RNF144B: variants seen among roughly 807,000 people sequenced by gnomAD.
The protein encoded by RNF144B is ring finger protein 144B, also known as E3 ubiquitin-protein ligase RNF144B.
A neutral mutation model predicts 40.2 loss-of-function variants in RNF144B; 25 were observed. That is an observed-to-expected ratio of 0.62 (90% CI 0.45 to 0.87). RNF144B has a LOEUF of 0.87. Among genes scored for constraint, RNF144B ranks in the 40% least tolerant of loss-of-function variants. The pLI is 0.00. For missense variants in RNF144B, 365 were observed against 373.7 expected (o/e 0.98, Z 0.19); for synonymous variants, 145 against 136.3 (o/e 1.06, Z -0.44).
chr6:18,460,273 A>G lies in RNF144B; in HGVS notation c.681+522A>G, dbSNP rs1041789134. ...TCTTCCTCCATCTTCAAAGCCAGCA[A>G]CATCAGATCTCTCACTCCCTTCTTT... On this transcript the variant is annotated intron_variant, in intron 6 of 7. Coordinates refer to ENST00000259939, the MANE Select transcript of RNF144B (RefSeq NM_182757.4). This position sits in a 1 kb window ranked among gnomAD's most constrained non-coding sequence, Gnocchi z 4.4. 4.6e-5 allele frequency among the ~76,000 whole-genome samples: 7 copies of G among 152,200 alleles called. No homozygotes were observed. The highest frequency in any genetic ancestry group is 1.7e-4 in the African/African-American group (7 of 41,452).
At position 18,465,064 on chromosome 6, in the gene RNF144B, C is replaced by A. The variant is rs1219953766; in HGVS notation, c.909C>A (p.Thr303=). The A allele has an allele frequency of 6.2e-7, 1 of 1,613,520 alleles. No individual in the cohort carries two copies. The highest frequency in any genetic ancestry group is 1.7e-5 in the Admixed American group (1 of 59,930). The change falls in exon 8 of 8, where the codon ACC becomes ACA. Residue 303 remains threonine, a synonymous_variant. Transcript: ENST00000259939. Reference sequence around the variant, plus strand: ...AGAAAAAGCACGACCCATCCACAACCTAAAGATCTCTGTGTTCATACGCCC... The same window carrying A: ...AGAAAAAGCACGACCCATCCACAACATAAAGATCTCTGTGTTCATACGCCC... ...GKKKKHDPST[T]
At chr6:18,409,561 C>CGTTTTTT (rs547707150) in intron 2 of RNF144B, among the ~76,000 whole-genome samples, 1 of 93,262 alleles carries the variant, frequency 1.1e-5, no homozygotes, top group Non-Finnish European at 2.0e-5. Flanking sequence ...CTTGCATAAC[C>CGTTTTTT]TTTTTTTTTT....
At chr6:18,429,310 G>A (rs1018058111) in intron 3 of RNF144B, among the ~76,000 whole-genome samples, 3 of 151,438 alleles carry the variant, frequency 2.0e-5, no homozygotes, top group African/African-American at 7.3e-5. Flanking sequence ...ACATGTAGAT[G>A]TGTGTGTGTG....
At chr6:18,463,244 C>G in intron 6 of RNF144B, 47 bp from the exon 7 acceptor site, 1 of 1,250,278 alleles carries the variant, frequency 8.0e-7, no homozygotes, top group South Asian at 1.2e-5. Flanking sequence ...ATTCATTTCT[C>G]AATTTAAAAC....
chr6:18,457,372 A>G lies in RNF144B; in HGVS notation c.536+13A>G, dbSNP rs1759354151. On this transcript the variant is annotated intron_variant, in intron 5 of 7. Coordinates refer to ENST00000259939, the MANE Select transcript of RNF144B (RefSeq NM_182757.4). The surrounding 1 kb of genome is among the most constrained non-coding windows in gnomAD (Gnocchi z 5.1). ...CAACAGAGCACCGGTAAGAAAGGAA[A>G]CTTTGTCTTTGGGATTATTCACTAG... The G allele has an allele frequency of 6.2e-7, 1 of 1,601,930 alleles. No homozygotes were observed. Among genetic ancestry groups the G allele is most frequent in the African/African-American group, 1.3e-5 (1 of 74,646 alleles).
Position 18,463,349 on chromosome 6 carries a change from C to T in RNF144B, c.740C>T (p.Ser247Leu), listed in dbSNP as rs1316050222. 1 of 1,611,130 alleles carries T rather than the reference C, an allele frequency of 6.2e-7. No individual in the cohort carries two copies. The highest frequency in any genetic ancestry group is 1.7e-5 in the Admixed American group (1 of 60,006). The change falls in exon 7 of 8, where the codon TCA (serine) becomes TTA (leucine). Residue 247 changes from serine to leucine, a missense_variant. Coordinates refer to ENST00000259939, the MANE Select transcript of RNF144B (RefSeq NM_182757.4). ...CCATGCAGGAATAAACTTGGCCACT[C>T]AAGAGCATCAGTGATGTGGAACCGA... ...KGPCRNKLGH[S>L]RASVMWNRTQ...
chr6:18,435,065 A>G (rs1562051973), intron 3 of RNF144B, among the ~76,000 whole-genome samples: 1 of 152,168 alleles, frequency 6.6e-6, no homozygotes. Context: ...AACTGAATTT[A>G]TTTTATCTTT....
At chr6:18,390,406 T>C (rs75706944) in intron 1 of RNF144B, among the ~76,000 whole-genome samples, 1,784 of 152,310 alleles carry the variant, frequency 0.012, 14 homozygotes, top group Middle Eastern at 0.024. Context: ...TATTAAAAAA[T>C]GGATAACTAT....
chr6:18,417,384 C>T (rs957081251), intron 2 of RNF144B, among the ~76,000 whole-genome samples: 9 of 152,036 alleles, frequency 5.9e-5, no homozygotes, highest in Non-Finnish European at 1.2e-4. Context: ...ACAGATAGAT[C>T]AATGGAATAG....
chr6:18,431,674 T>C (rs476427), intron 3 of RNF144B, among the ~76,000 whole-genome samples: 145,988 of 152,292 alleles, frequency 0.96, 70,249 homozygotes, highest in East Asian at 1. Flanking sequence ...AGCCTGGTTC[T>C]CTTTGTCTTG....
chr6:18,421,313 CACATATAT>C (rs1371986984), intron 2 of RNF144B, among the ~76,000 whole-genome samples: 1 of 133,288 alleles, frequency 7.5e-6, no homozygotes, highest in Non-Finnish European at 1.7e-5. Flanking sequence ...CACACACACA[CACATATAT>C]ATAAAATAAA....
intron 1 of RNF144B, chr6:18,396,334 T>A: frequency 1.1e-6 from 1 of 900,582 alleles, no homozygotes; most frequent in Non-Finnish European, 1.3e-6. Flanking sequence ...GAGTATCCAA[T>A]TAATTTCTAA....
chr6:18,409,793 G>A (rs576969254), intron 2 of RNF144B, among the ~76,000 whole-genome samples: 41 of 152,028 alleles, frequency 2.7e-4, no homozygotes, highest in Non-Finnish European at 7.4e-5. Flanking sequence ...TGGTCTCGAT[G>A]TCCTGACCTC....
intron 4 of RNF144B, among the ~76,000 whole-genome samples, chr6:18,451,430 G>A (rs183184473): frequency 2.0e-5 from 3 of 152,262 alleles, no homozygotes; most frequent in Admixed American, 6.5e-5. Flanking sequence ...TATGAGTTCC[G>A]TAAATAAGTA....
At chr6:18,389,663 G>T (rs1478569851) in intron 1 of RNF144B, among the ~76,000 whole-genome samples, 3 of 152,172 alleles carry the variant, frequency 2.0e-5, no homozygotes, top group Admixed American at 1.3e-4. Context: ...CAGGAATCAT[G>T]CTGAACCCAG....
Position 18,466,523 on chromosome 6 carries a change from G to C in RNF144B, c.*1456G>C, listed in dbSNP as rs1759573986. 1.3e-5 allele frequency: 2 copies of C among 152,692 alleles called. No individual in the cohort carries two copies. The highest frequency in any genetic ancestry group is 3.4e-3 in the Middle Eastern group (1 of 294). 9.5% of individuals were successfully genotyped at this position (152,692 alleles called of 1,614,324 possible). ...CCATTAGTCAGATTTGAATAACGAGGTTTTGAAAGGATAAAACCTTTTCTC... is the reference window on the plus strand; with the variant it reads ...CCATTAGTCAGATTTGAATAACGAGCTTTTGAAAGGATAAAACCTTTTCTC... On this transcript the variant is annotated 3_prime_UTR_variant, in exon 8 of 8. Transcript: ENST00000259939.
rs1220349172 is a variant in RNF144B at position 18,460,656 on chromosome 6, A to G, written c.681+905A>G. Among the ~76,000 whole-genome samples, 2 of 152,124 alleles carry G rather than the reference A, an allele frequency of 1.3e-5. No homozygotes were observed. Among genetic ancestry groups the G allele is most frequent in the Non-Finnish European group, 2.9e-5 (2 of 68,032 alleles). ...CTCTCTCTCTTGTTCATGAGCATGC[A>G]GCAGTATCGCTACTGTTTTGACAGT... On this transcript the variant is annotated intron_variant, in intron 6 of 7. Transcript: ENST00000259939. The surrounding 1 kb of genome is among the most constrained non-coding windows in gnomAD (Gnocchi z 4.4).
intron 2 of RNF144B, among the ~76,000 whole-genome samples, chr6:18,420,001 C>G (rs569578045): frequency 1.3e-5 from 2 of 152,104 alleles, no homozygotes; most frequent in African/African-American, 4.8e-5. Flanking sequence ...TCCTATGTGT[C>G]AAGAAAAGAA....
intron 2 of RNF144B, among the ~76,000 whole-genome samples, chr6:18,426,633 A>G (rs1758560462): frequency 1.3e-5 from 2 of 150,550 alleles, no homozygotes; most frequent in Admixed American, 6.6e-5. Context: ...TTTTCTTTTC[A>G]GTTTCTTCTC....
Sources: gnomAD v4.1 joint callset for allele counts (sites outside exome capture counted in the v4.1 genomes callset) on GRCh38, gnomAD v4.1.1 for gene constraint, Gnocchi (gnomAD v3.1) non-coding constraint, MANE v1.5 for transcripts, NCBI Gene and HGNC (gene_info 2026-07-23, HGNC 2026-07-21) for gene names.